NSD3: variants seen among roughly 807,000 people sequenced by gnomAD.
The protein encoded by NSD3 is histone-lysine N-methyltransferase NSD3.
Under a neutral mutation model 160.8 loss-of-function variants are expected in NSD3, and 24 were observed. The ratio of observed to expected loss-of-function variants is 0.15; its 90% CI spans 0.11 to 0.21. NSD3 has a LOEUF of 0.21. NSD3 is among the 10% of genes least tolerant of loss of function. The pLI is 1.00. For missense variants in NSD3, 1,157 were observed against 1,735.9 expected (o/e 0.67, Z 5.93); for synonymous variants, 520 against 600.0 (o/e 0.87, Z 1.95).
Position 38,288,905 on chromosome 8 carries a change from C to T in NSD3, c.3232-149G>A. On this transcript the variant is annotated intron_variant, in intron 18 of 23. Transcript: ENST00000317025. This position sits in a 1 kb window ranked among gnomAD's most constrained non-coding sequence, Gnocchi z 4.5. The stretch of plus-strand genomic sequence containing the variant: ...TGATGAATAAGCTGAGATTAATAAC[C>T]ATCTCTTTTGTCATTTAGTTGACAA... The T allele has an allele frequency of 9.9e-7, 1 of 1,009,312 alleles. No homozygotes were observed. The highest frequency in any genetic ancestry group is 1.7e-5 in the South Asian group (1 of 57,800). The allele number at this position is 1,009,312 out of a possible 1,614,324, so 62.5% of individuals were successfully genotyped here.
At chr8:38,275,980 A>G in intron 23 of NSD3, 98 bp from the exon 24 acceptor site, 1 of 1,074,848 alleles carries the variant, frequency 9.3e-7, no homozygotes. Flanking sequence ...CTCTCATTGG[A>G]GATGGAATTC....
chr8:38,271,145 A>C lies in NSD3; in HGVS notation c.*4496T>G, dbSNP rs1278401320. ...AGGAGTCTCTTCCTCAAATGTGTTC[A>C]ATCAATCTGAGCTATCTACTGTGAA... is the stretch of plus-strand genomic sequence containing the variant. On this transcript the variant is annotated 3_prime_UTR_variant, in exon 24 of 24. Transcript: ENST00000317025. 1 of 152,190 alleles carries C rather than the reference A, an allele frequency of 6.6e-6. No individual in the cohort carries two copies. The highest frequency in any genetic ancestry group is 6.5e-5 in the Admixed American group (1 of 15,282). The allele number at this position is 152,190 out of a possible 1,614,324, so 9.4% of individuals were successfully genotyped here. A position where few individuals can be genotyped will look rare whatever the true frequency, so the allele number is the denominator to read the frequency against.
rs371691615 is a variant in NSD3 at position 38,331,600 on chromosome 8, T to A, written c.911-15A>T. 1 of 1,608,540 alleles carries A rather than the reference T, an allele frequency of 6.2e-7. No homozygotes were observed. Among genetic ancestry groups the A allele is most frequent in the Non-Finnish European group, 8.5e-7 (1 of 1,178,490 alleles). On this transcript the variant is annotated splice_polypyrimidine_tract_variant and intron_variant, in intron 4 of 23. Coordinates refer to ENST00000317025, the MANE Select transcript of NSD3 (RefSeq NM_023034.2). ...TTCTCGGGCACCTGTAAGTAAAAAT[T>A]CTTATTAACCATTTCAGAACATAAG...
chr8:38,326,956 T>A, intron 6 of NSD3, 100 bp from the exon 7 acceptor site: 1 of 1,299,858 alleles, frequency 7.7e-7, no homozygotes, highest in Non-Finnish European at 1.0e-6. Context: ...ATAATTTGCT[T>A]AAATTTTATA....
In NSD3 at chr8:38,331,421, T is replaced by A; in HGVS notation, c.1065+10A>T. On this transcript the variant is annotated intron_variant, in intron 5 of 23. Coordinates refer to ENST00000317025, the MANE Select transcript of NSD3 (RefSeq NM_023034.2). ...CCATACTAGGTAAATAATATTAACA[T>A]GTTAGTTACCTTTTGTTTCTCAGAG... The A allele has an allele frequency of 6.3e-7, 1 of 1,585,348 alleles. No homozygotes were observed. The highest frequency in any genetic ancestry group is 8.6e-7 in the Non-Finnish European group (1 of 1,167,850).
chr8:38,281,500 A>G lies in NSD3; in HGVS notation c.3585T>C (p.Ser1195=). 6.4e-7 allele frequency: 1 copy of G among 1,553,106 alleles called. No homozygotes were observed. The highest frequency in any genetic ancestry group is 8.7e-7 in the Non-Finnish European group (1 of 1,146,854). Residue 1195 remains serine, a synonymous_variant, in exon 20 of 24, where the codon AGT becomes AGC. Coordinates refer to ENST00000317025, the MANE Select transcript of NSD3 (RefSeq NM_023034.2). ...CAGTTAACATATAAAAATTAGTTACACTGTTCTCGTGGGCTCGCTTGATTC... is the reference window on the plus strand; with the variant it reads ...CAGTTAACATATAAAAATTAGTTACGCTGTTCTCGTGGGCTCGCTTGATTC... ...RLRIKRAHEN[S]VTNFYMLTVT...
intron 7 of NSD3, among the ~76,000 whole-genome samples, chr8:38,325,048 C>T (rs1311972298): frequency 6.6e-6 from 1 of 152,226 alleles, no homozygotes; most frequent in Non-Finnish European, 1.5e-5. Context: ...AAGGGCTTGT[C>T]TGAGTTCTGT....
At chr8:38,291,219 C>A (rs925123051) in intron 16 of NSD3, among the ~76,000 whole-genome samples, 3 of 152,174 alleles carry the variant, frequency 2.0e-5, no homozygotes, top group Admixed American at 2.0e-4. Context: ...GAATCTAATT[C>A]ATCTTAGATC....
intron 23 of NSD3, 118 bp from the exon 24 acceptor site, chr8:38,276,000 C>CA: frequency 1.0e-6 from 1 of 954,802 alleles, no homozygotes; most frequent in Non-Finnish European, 1.5e-6. Context: ...CAATTGAATA[C>CA]AACTCCAAAT....
At chr8:38,353,532 T>C (rs1810752786) in intron 1 of NSD3, among the ~76,000 whole-genome samples, 1 of 152,140 alleles carries the variant, frequency 6.6e-6, no homozygotes, top group Non-Finnish European at 1.5e-5. Context: ...CAGGCATATG[T>C]ATTCAGAGAC....
At chr8:38,338,256 C>T (rs748434874) in intron 3 of NSD3, among the ~76,000 whole-genome samples, 16 of 150,118 alleles carry the variant, frequency 1.1e-4, no homozygotes, top group African/African-American at 2.5e-4. Flanking sequence ...GTCGAGATTG[C>T]GCCACTGCAC....
chr8:38,359,557 T>A (rs941554810), intron 1 of NSD3, among the ~76,000 whole-genome samples: 19 of 152,172 alleles, frequency 1.2e-4, no homozygotes, highest in Admixed American at 1.2e-3. Flanking sequence ...TCTAAGAACT[T>A]GACCACGCCC....
At chr8:38,295,413 C>G (rs1483154890) in intron 16 of NSD3, among the ~76,000 whole-genome samples, 1 of 151,758 alleles carries the variant, frequency 6.6e-6, no homozygotes, top group Non-Finnish European at 1.5e-5. Flanking sequence ...ATACAAAAAA[C>G]TAGCCAGGGG....
chr8:38,355,898 T>G (rs1810812090), intron 1 of NSD3, among the ~76,000 whole-genome samples: 1 of 152,198 alleles, frequency 6.6e-6, no homozygotes, highest in Non-Finnish European at 1.5e-5. Flanking sequence ...TCAAGGCCAG[T>G]ATGATCAAAT....
intron 14 of NSD3, among the ~76,000 whole-genome samples, chr8:38,302,056 G>A (rs1452176650): frequency 6.6e-6 from 1 of 152,222 alleles, no homozygotes; most frequent in African/African-American, 2.4e-5. Context: ...ATGTGGAAGA[G>A]GAGTGATGTC....
At position 38,321,921 on chromosome 8, in the gene NSD3, G is replaced by T. The variant is rs1406833386; in HGVS notation, c.1709-749C>A. Among the ~76,000 whole-genome samples, 1 of 152,152 alleles carries T rather than the reference G, an allele frequency of 6.6e-6. No homozygotes were observed. Among genetic ancestry groups the T allele is most frequent in the African/African-American group, 2.4e-5 (1 of 41,448 alleles). On this transcript the variant is annotated intron_variant, in intron 7 of 23. Coordinates refer to ENST00000317025, the MANE Select transcript of NSD3 (RefSeq NM_023034.2). The surrounding 1 kb of genome is among the most constrained non-coding windows in gnomAD (Gnocchi z 4.7). ...TCACATGGACCCCATTTTTGGAAAGGATAAAACTGAAATTGAAGAACACAA... is the reference window on the plus strand; with the variant it reads ...TCACATGGACCCCATTTTTGGAAAGTATAAAACTGAAATTGAAGAACACAA...
In NSD3 at chr8:38,276,424, T is replaced by C. The variant is rs764959793; in HGVS notation, c.3944A>G (p.Glu1315Gly). ...LKQKRRKIKT[E>G]PKQMHEDYCF... is the part of the protein sequence containing the mutation. ...GTAATCTTCATGCATCTGCTTTGGT[T>C]CTGTTTTGATCTTTCGTCTCTTCTG... Residue 1315 changes from glutamate (E) to glycine (G), a missense_variant, in exon 23 of 24, where the codon GAA becomes GGA. Coordinates refer to ENST00000317025, the MANE Select transcript of NSD3 (RefSeq NM_023034.2). 1.9e-6 allele frequency: 3 copies of C among 1,614,238 alleles called. No individual in the cohort carries two copies. The highest frequency in any genetic ancestry group is 2.5e-6 in the Non-Finnish European group (3 of 1,180,042).
chr8:38,351,764 C>T (rs958431781), intron 1 of NSD3, among the ~76,000 whole-genome samples: 9 of 151,516 alleles, frequency 5.9e-5, no homozygotes, highest in South Asian at 2.1e-4. Flanking sequence ...AGCAAACTAT[C>T]GCAAGGACAA....
chr8:38,313,594 C>T (rs1292640066), intron 12 of NSD3, among the ~76,000 whole-genome samples: 4 of 151,992 alleles, frequency 2.6e-5, no homozygotes, highest in Non-Finnish European at 1.5e-5. Flanking sequence ...CGAGACCATC[C>T]TGGCTAACAT....
Sources: allele counts gnomAD v4.1 joint callset (sites outside exome capture counted in the v4.1 genomes callset), GRCh38; gene constraint gnomAD v4.1.1; non-coding constraint Gnocchi (gnomAD v3.1); transcripts MANE v1.5; gene names NCBI Gene and HGNC (gene_info 2026-07-23, HGNC 2026-07-21).